ADAP2: variants seen among roughly 807,000 people sequenced by gnomAD.
ADAP2 encodes the protein arf-GAP with dual PH domain-containing protein 2.
Under a neutral mutation model 54.9 loss-of-function variants are expected in ADAP2, and 42 were observed. The ratio of observed to expected loss-of-function variants is 0.77; its 90% CI spans 0.60 to 0.99. ADAP2 has a LOEUF of 0.99. ADAP2 is among the 50% of genes least tolerant of loss of function. ADAP2 has a pLI of 0.00. For missense variants in ADAP2, 429 were observed against 480.4 expected (o/e 0.89, Z 1.00); for synonymous variants, 177 against 180.1 (o/e 0.98, Z 0.14).
intron 3 of ADAP2, 128 bp downstream of exon 3, chr17:30,927,046 G>A: frequency 1.5e-6 from 1 of 687,216 alleles, no homozygotes; most frequent in Non-Finnish European, 2.6e-6. Flanking sequence ...GTGGATCCAG[G>A]AAAGCACTGG....
At chr17:30,939,653 C>T (rs1172332572) in intron 5 of ADAP2, among the ~76,000 whole-genome samples, 1 of 151,580 alleles carries the variant, frequency 6.6e-6, no homozygotes, top group Non-Finnish European at 1.5e-5. Context: ...CGCCTGTAGT[C>T]GCAGATACTC....
intron 4 of ADAP2, among the ~76,000 whole-genome samples, chr17:30,933,127 T>C (rs941743581): frequency 1.3e-5 from 2 of 152,112 alleles, no homozygotes; most frequent in Non-Finnish European, 2.9e-5. Flanking sequence ...AAATCATTCT[T>C]AGAGGGCCAG....
At chr17:30,945,180 T>A (rs1912575730) in intron 6 of ADAP2, 127 bp downstream of exon 6, 2 of 1,137,876 alleles carry the variant, frequency 1.8e-6, no homozygotes, top group Non-Finnish European at 2.5e-6. Context: ...TGCTACCATT[T>A]GCCTTAATCT....
intron 3 of ADAP2, among the ~76,000 whole-genome samples, chr17:30,930,045 C>T (rs1046922588): frequency 2.9e-5 from 4 of 140,330 alleles, no homozygotes; most frequent in East Asian, 2.1e-4. Flanking sequence ...CGACAGAAAC[C>T]TTATTTATTT....
Position 30,922,975 on chromosome 17 carries a change from A to C in ADAP2, c.130A>C (p.Ile44Leu), listed in dbSNP as rs748858882. ...DWASYKLGIF[I>L]CLNCCGVHRN... ...GGCCTCTTACAAGCTGGGGATCTTC[A>C]TCTGTCTCAACTGCTGCGGCGTCCA... Residue 44 changes from isoleucine (I) to leucine (L), a missense_variant, in exon 2 of 11, where the codon ATC (isoleucine) becomes CTC (leucine). Coordinates refer to ENST00000330889, the MANE Select transcript of ADAP2 (RefSeq NM_018404.3). 8.1e-6 allele frequency: 13 copies of C among 1,613,826 alleles called. No homozygotes were observed. The African/African-American group carries it at 1.6e-4, about 20-fold the overall frequency.
At chr17:30,935,746 C>T (rs1911824767) in intron 5 of ADAP2, among the ~76,000 whole-genome samples, 1 of 152,166 alleles carries the variant, frequency 6.6e-6, no homozygotes, top group Admixed American at 6.6e-5. Flanking sequence ...TAACCATAAG[C>T]TGCAACCCTG....
intron 2 of ADAP2, among the ~76,000 whole-genome samples, chr17:30,924,236 G>T (rs1015643854): frequency 1.3e-5 from 2 of 152,136 alleles, no homozygotes; most frequent in African/African-American, 4.8e-5. Context: ...AGCTGGGTGT[G>T]ATGGCATGCG....
At chr17:30,930,738 G>A (rs536386262) in intron 3 of ADAP2, among the ~76,000 whole-genome samples, 5 of 152,310 alleles carry the variant, frequency 3.3e-5, no homozygotes, top group Non-Finnish European at 5.9e-5. Flanking sequence ...TGGCTATGGG[G>A]TAAGGTCATA....
In ADAP2 at chr17:30,944,969, G is replaced by A. The variant is rs769798342; in HGVS notation, c.573G>A (p.Lys191=). 3 of 1,613,986 alleles carry A rather than the reference G, an allele frequency of 1.9e-6. No homozygotes were observed. The highest frequency in any genetic ancestry group is 2.5e-6 in the Non-Finnish European group (3 of 1,180,032). The change falls in exon 6 of 11, where the codon AAG becomes AAA. Residue 191 remains lysine (K), a synonymous_variant. Coordinates refer to ENST00000330889, the MANE Select transcript of ADAP2 (RefSeq NM_018404.3). ...KDLNATFQTE[K]IGHPHGLQIT... ...TGAATGCCACCTTCCAGACAGAGAA[G>A]ATAGGGCACCCCCATGGGCTGCAGA... is the stretch of plus-strand genomic sequence containing the variant.
At chr17:30,942,667 C>T (rs1912360827) in intron 5 of ADAP2, among the ~76,000 whole-genome samples, 1 of 152,190 alleles carries the variant, frequency 6.6e-6, no homozygotes, top group African/African-American at 2.4e-5. Flanking sequence ...GCAAACTAGA[C>T]TGGTGTATCT....
rs187718136 is a variant in ADAP2 at position 30,939,697 on chromosome 17, G to C, written c.511-5210G>C. 1.1e-3 allele frequency among the ~76,000 whole-genome samples: 167 copies of C among 151,736 alleles called. 2 individuals are homozygous for C. The Middle Eastern group carries it at 0.024, about 22-fold the overall frequency. On this transcript the variant is annotated intron_variant, in intron 5 of 10. Transcript: ENST00000330889. ...GAGGCAGGAGAATGGCCCGAACCTG[G>C]GAGGCGGAGCTTGCAGTGAGCCGAG... is the stretch of plus-strand genomic sequence containing the variant.
intron 5 of ADAP2, among the ~76,000 whole-genome samples, chr17:30,943,430 G>C (rs1042554533): frequency 6.6e-6 from 1 of 152,022 alleles, no homozygotes; most frequent in Non-Finnish European, 1.5e-5. Context: ...ACATGTACAT[G>C]TATTTTCATC....
intron 7 of ADAP2, among the ~76,000 whole-genome samples, chr17:30,950,586 T>TGCA (rs1904556108): frequency 6.6e-6 from 1 of 152,190 alleles, no homozygotes; most frequent in Admixed American, 6.5e-5. Flanking sequence ...GGAAAACCAT[T>TGCA]TTAATGCTGG....
chr17:30,949,486 C>T (rs919373203), intron 7 of ADAP2, 116 bp downstream of exon 7: 122 of 875,600 alleles, frequency 1.4e-4, no homozygotes, highest in Non-Finnish European at 2.0e-4. Context: ...CGGTGGCTCA[C>T]GCCTGTAATC....
intron 6 of ADAP2, among the ~76,000 whole-genome samples, chr17:30,945,686 G>T (rs1267475808): frequency 7.2e-5 from 11 of 151,992 alleles, no homozygotes; most frequent in East Asian, 1.9e-4. Context: ...AGCCTGGGAG[G>T]TCGAGGCTGC....
intron 7 of ADAP2, among the ~76,000 whole-genome samples, chr17:30,951,804 C>T (rs537059301): frequency 1.1e-4 from 16 of 151,708 alleles, no homozygotes; most frequent in Admixed American, 7.2e-4. Context: ...TACAGGCGCT[C>T]GCCACTGCAC....
chr17:30,923,112 T>C (rs1270327477), intron 2 of ADAP2, 42 bp downstream of exon 2: 2 of 1,609,330 alleles, frequency 1.2e-6, no homozygotes, highest in African/African-American at 1.3e-5. Context: ...ACTGCGGGAC[T>C]GGAGTAGAGG....
chr17:30,929,684 CTCT>C (rs1463398150), intron 3 of ADAP2, among the ~76,000 whole-genome samples: 1 of 152,046 alleles, frequency 6.6e-6, no homozygotes, highest in Non-Finnish European at 1.5e-5. Flanking sequence ...GACTCTCTCT[CTCT>C]TTTTTCTTTC....
chr17:30,950,778 T>C lies in ADAP2; in HGVS notation c.741+1408T>C, dbSNP rs550034793. Among the ~76,000 whole-genome samples the C allele has an allele frequency of 7.3e-4, 111 of 152,320 alleles. 1 individual carries two copies. The South Asian group carries it at 0.022, about 30-fold the overall frequency. ...AGTCAGAGCCCTTGAGTCAGTCTGCTGAGTTTGCACCCAGAACTGGTTAAT... is the reference window on the plus strand; with the variant it reads ...AGTCAGAGCCCTTGAGTCAGTCTGCCGAGTTTGCACCCAGAACTGGTTAAT... On this transcript the variant is annotated intron_variant, in intron 7 of 10. Transcript: ENST00000330889.
Sources: gnomAD v4.1 joint callset for allele counts (sites outside exome capture counted in the v4.1 genomes callset) on GRCh38, gnomAD v4.1.1 for gene constraint, MANE v1.5 for transcripts, NCBI Gene and HGNC (gene_info 2026-07-23, HGNC 2026-07-21) for gene names.